ARHGEF10L: variants seen among roughly 807,000 people sequenced by gnomAD.
ARHGEF10L encodes the protein rho guanine nucleotide exchange factor 10-like protein.
Under a neutral mutation model 141.2 loss-of-function variants are expected in ARHGEF10L, and 69 were observed. That is an observed-to-expected ratio of 0.49 (90% confidence interval 0.40 to 0.60). The LOEUF (loss-of-function observed/expected upper bound fraction) is 0.60, where lower values mean the gene tolerates loss of function less well. ARHGEF10L is among the 20% of genes least tolerant of loss of function. ARHGEF10L has a pLI of 0.00. For missense variants in ARHGEF10L, 1,482 were observed against 1,734.3 expected, an observed-to-expected ratio of 0.85 and a Z score of 2.58; for synonymous variants, 711 against 718.5, an observed-to-expected ratio of 0.99 and a Z score of 0.17.
chr1:17,569,815 C>T (rs11589616), intron 1 of ARHGEF10L, among the ~76,000 whole-genome samples: 158 of 152,358 alleles, frequency 1.0e-3, no homozygotes, highest in African/African-American at 3.6e-3. Flanking sequence ...GTCCCCTTTG[C>T]CGGCCACATG....
chr1:17,539,369 C>A (rs562110849), upstream of ARHGEF10L, among the ~76,000 whole-genome samples: 2 of 152,294 alleles, frequency 1.3e-5, no homozygotes, highest in East Asian at 3.9e-4. This position sits in a 1 kb window ranked among gnomAD's most constrained non-coding sequence, Gnocchi z 6.0. Flanking sequence ...CAGCACCCTG[C>A]GCGCCTGCGG....
chr1:17,672,733 C>T (rs533573566), intron 26 of ARHGEF10L, among the ~76,000 whole-genome samples: 1 of 152,208 alleles, frequency 6.6e-6, no homozygotes, highest in Non-Finnish European at 1.5e-5. Context: ...TGTTTTCCAG[C>T]ATCAGGAAGG....
intron 25 of ARHGEF10L, among the ~76,000 whole-genome samples, chr1:17,657,935 A>G (rs576558239): frequency 6.6e-6 from 1 of 152,268 alleles, no homozygotes; most frequent in Non-Finnish European, 1.5e-5. Flanking sequence ...GGTTGGAAGG[A>G]GGTGAGGCTG....
At chr1:17,663,656 T>C (rs182908255) in intron 25 of ARHGEF10L, among the ~76,000 whole-genome samples, 2 of 152,172 alleles carry the variant, frequency 1.3e-5, no homozygotes. Context: ...CAGAAGTGCC[T>C]TGGAGTCGGC....
At chr1:17,608,776 A>T (rs1337677416) in intron 7 of ARHGEF10L, among the ~76,000 whole-genome samples, 2 of 151,694 alleles carry the variant, frequency 1.3e-5, no homozygotes, top group Non-Finnish European at 2.9e-5. Context: ...GGCTACTTTT[A>T]TGTTTATTTT....
At position 17,654,813 on chromosome 1, in the gene ARHGEF10L, T is replaced by C. The variant is rs1295206022; in HGVS notation, c.2481+91T>C. 2 of 1,188,560 alleles carry C rather than the reference T, an allele frequency of 1.7e-6. No individual in the cohort carries two copies. The highest frequency in any genetic ancestry group is 2.5e-6 in the Non-Finnish European group (2 of 804,248). 73.6% of individuals were successfully genotyped at this position (1,188,560 alleles called of 1,614,324 possible). A position where few individuals can be genotyped will look rare whatever the true frequency, so the allele number is the denominator to read the frequency against. On this transcript the variant is annotated intron_variant, in intron 23 of 28. Transcript: ENST00000361221. The surrounding 1 kb of genome is among the most constrained non-coding windows in gnomAD (Gnocchi z 4.3). ...GGGAGGGGGTGCTGGAGACAGCAGC[T>C]GCCTGCCTCATCTCATGCAGCTTCA...
intron 1 of ARHGEF10L, among the ~76,000 whole-genome samples, chr1:17,550,535 C>A (rs1210614879): frequency 2.0e-5 from 3 of 151,834 alleles, no homozygotes; most frequent in African/African-American, 7.3e-5. Context: ...CCCAGCTACT[C>A]AGGGGCTGAG....
chr1:17,690,473 G>A (rs928258683), intron 27 of ARHGEF10L, among the ~76,000 whole-genome samples: 1 of 152,228 alleles, frequency 6.6e-6, no homozygotes, highest in African/African-American at 2.4e-5. Flanking sequence ...CGGCATACCC[G>A]CCCTGCATCT....
intron 1 of ARHGEF10L, among the ~76,000 whole-genome samples, chr1:17,554,221 T>G (rs2077218129): frequency 6.6e-6 from 1 of 151,856 alleles, no homozygotes; most frequent in East Asian, 1.9e-4. Context: ...AATGGGTGAG[T>G]CACAGTGAGG....
At chr1:17,614,277 G>A (rs958661111) in intron 8 of ARHGEF10L, among the ~76,000 whole-genome samples, 1 of 152,210 alleles carries the variant, frequency 6.6e-6, no homozygotes, top group African/African-American at 2.4e-5. Flanking sequence ...CTGCAACCCA[G>A]GGTAGGGGCG....
chr1:17,673,882 G>A lies in ARHGEF10L; in HGVS notation c.3009+9287G>A, dbSNP rs2063480705. Reference sequence around the variant, plus strand: ...GAGGAAGCACCACGTGTCAGTTGTTGTGTCATTGTGGTCACAGGACTTGCT... The same window carrying A: ...GAGGAAGCACCACGTGTCAGTTGTTATGTCATTGTGGTCACAGGACTTGCT... On this transcript the variant is annotated intron_variant, in intron 26 of 28. Coordinates refer to ENST00000361221, the MANE Select transcript of ARHGEF10L (RefSeq NM_018125.4). The surrounding 1 kb of genome is among the most constrained non-coding windows in gnomAD (Gnocchi z 4.1). Among the ~76,000 whole-genome samples, 1 of 152,158 alleles carries A rather than the reference G, an allele frequency of 6.6e-6. No homozygotes were observed. Among genetic ancestry groups the A allele is most frequent in the Admixed American group, 6.5e-5 (1 of 15,286 alleles).
At chr1:17,580,677 G>A (rs1557735349) in intron 2 of ARHGEF10L, 45 bp downstream of exon 2, 1 of 1,611,166 alleles carries the variant, frequency 6.2e-7, no homozygotes, top group Non-Finnish European at 8.5e-7. Context: ...TTTCTTAGAA[G>A]GGGGCCGCTG....
chr1:17,624,992 A>T (rs1046932640), intron 13 of ARHGEF10L, among the ~76,000 whole-genome samples: 1 of 152,198 alleles, frequency 6.6e-6, no homozygotes, highest in East Asian at 1.9e-4. Context: ...TTGGGAGTGT[A>T]GTCTGGTGAG....
At chr1:17,635,772 C>T (rs371779610) in intron 18 of ARHGEF10L, among the ~76,000 whole-genome samples, 85 of 152,286 alleles carry the variant, frequency 5.6e-4, no homozygotes, top group African/African-American at 1.8e-3. Flanking sequence ...GCCTAGGGTA[C>T]GGTGGGCATT....
At chr1:17,570,537 G>A (rs926849744) in intron 1 of ARHGEF10L, among the ~76,000 whole-genome samples, 5 of 151,200 alleles carry the variant, frequency 3.3e-5, no homozygotes, top group Non-Finnish European at 5.9e-5. Flanking sequence ...ACATGAAGTC[G>A]GGGGGGTTGT....
At chr1:17,641,873 C>T (rs769731601) in intron 21 of ARHGEF10L, among the ~76,000 whole-genome samples, 22 of 151,112 alleles carry the variant, frequency 1.5e-4, no homozygotes, top group Admixed American at 6.6e-4. Context: ...CCCAGCTACT[C>T]GAGAGGTTGA....
At chr1:17,683,174 G>A (rs2064266870) in intron 26 of ARHGEF10L, among the ~76,000 whole-genome samples, 1 of 131,420 alleles carries the variant, frequency 7.6e-6, no homozygotes, top group Non-Finnish European at 1.6e-5. Flanking sequence ...CTCTCACCGT[G>A]GTGCTCACTG....
chr1:17,566,011 T>C (rs187056537), intron 1 of ARHGEF10L, among the ~76,000 whole-genome samples: 260 of 151,824 alleles, frequency 1.7e-3, no homozygotes, highest in African/African-American at 6.0e-3. Context: ...TTTCTTTAGA[T>C]ACTTGTAGCC....
rs528705252 is a variant in ARHGEF10L, at chr1:17,544,151, C to A, written c.-44+4201C>A. On this transcript the variant is annotated intron_variant, in intron 1 of 28. Coordinates refer to ENST00000361221, the MANE Select transcript of ARHGEF10L (RefSeq NM_018125.4). ...GTATTTTAGTAGAGATGGGGTTTCA[C>A]TATGTTGGCCAGGCTGGTCTTGAAC... is the stretch of plus-strand genomic sequence containing the variant. Among the ~76,000 whole-genome samples the A allele has an allele frequency of 2.6e-4, 39 of 151,696 alleles. No individual in the cohort carries two copies. The East Asian group carries it at 7.4e-3, about 29-fold the overall frequency.
Sources: allele counts gnomAD v4.1 joint callset (sites outside exome capture counted in the v4.1 genomes callset), GRCh38; gene constraint gnomAD v4.1.1; non-coding constraint Gnocchi (gnomAD v3.1); transcripts MANE v1.5; gene names NCBI Gene and HGNC (gene_info 2026-07-23, HGNC 2026-07-21).